The following PRTG variants were observed in gnomAD, a reference collection of about 807,000 sequenced individuals.
PRTG encodes the protein protogenin.
PRTG carries 67 observed loss-of-function variants against 122.5 expected under a neutral mutation model. That is an observed-to-expected ratio of 0.55 (90% confidence interval 0.45 to 0.67). PRTG has a LOEUF of 0.67. PRTG is among the 30% of genes least tolerant of loss of function. PRTG has a pLI of 0.00. For missense variants in PRTG, 1,435 were observed against 1,415.4 expected (o/e 1.01, Z -0.22); for synonymous variants, 554 against 501.1 (o/e 1.11, Z -1.41).
intron 2 of PRTG, among the ~76,000 whole-genome samples, chr15:55,714,290 C>A (rs2030515789): frequency 6.6e-6 from 1 of 150,606 alleles, no homozygotes; most frequent in Non-Finnish European, 1.5e-5. Flanking sequence ...AGTGGTGATA[C>A]CATAGCTCAA....
Position 55,743,055 on chromosome 15 carries a change from G to A in PRTG, c.-124C>T, listed in dbSNP as rs943379405. ...CAGCCTGGCTCCCCGCTCCGGCTCC[G>A]GCACCGGCGTGGCGAGCGTCTCTGC... On this transcript the variant is annotated 5_prime_UTR_variant, in exon 1 of 20. Transcript: ENST00000389286. 9.2e-6 allele frequency: 12 copies of A among 1,307,238 alleles called. No individual in the cohort carries two copies. The South Asian group carries it at 2.5e-4, about 27-fold the overall frequency. 81.0% of individuals were successfully genotyped at this position (1,307,238 alleles called of 1,614,324 possible).
intron 2 of PRTG, among the ~76,000 whole-genome samples, chr15:55,709,890 T>A (rs1181567496): frequency 2.6e-5 from 4 of 152,166 alleles, no homozygotes; most frequent in African/African-American, 9.7e-5. Flanking sequence ...TAAGAAACTT[T>A]CGGGAGAGAT....
At chr15:55,692,548 A>C (rs1247366890) in intron 2 of PRTG, among the ~76,000 whole-genome samples, 1 of 152,194 alleles carries the variant, frequency 6.6e-6, no homozygotes, top group Non-Finnish European at 1.5e-5. Context: ...CCAAACTCTC[A>C]TTTGATCAGA....
At chr15:55,688,521 A>T (rs944077533) in intron 2 of PRTG, among the ~76,000 whole-genome samples, 1 of 152,096 alleles carries the variant, frequency 6.6e-6, no homozygotes, top group African/African-American at 2.4e-5. Flanking sequence ...TGTGCACTGG[A>T]CATCTTCGCC....
intron 2 of PRTG, among the ~76,000 whole-genome samples, chr15:55,733,254 C>T (rs2031297757): frequency 6.6e-6 from 1 of 151,956 alleles, no homozygotes; most frequent in Non-Finnish European, 1.5e-5. Flanking sequence ...CACCTGTAAT[C>T]CCAGCATTTT....
intron 11 of PRTG, among the ~76,000 whole-genome samples, chr15:55,652,544 C>T (rs1309830258): frequency 1.3e-5 from 2 of 152,036 alleles, no homozygotes; most frequent in Non-Finnish European, 2.9e-5. Flanking sequence ...CAATACCCCC[C>T]ATATAATTAT....
intron 11 of PRTG, among the ~76,000 whole-genome samples, chr15:55,666,100 T>C (rs1359299191): frequency 2.0e-5 from 3 of 152,226 alleles, no homozygotes; most frequent in Admixed American, 1.3e-4. Flanking sequence ...CTGAGTGGTT[T>C]AAACAACTGA....
intron 2 of PRTG, among the ~76,000 whole-genome samples, chr15:55,703,268 A>G (rs1056202163): frequency 6.6e-6 from 1 of 152,226 alleles, no homozygotes; most frequent in African/African-American, 2.4e-5. Context: ...CTACTCTTCT[A>G]AAGCAGAGGA....
intron 15 of PRTG, among the ~76,000 whole-genome samples, chr15:55,629,373 ATATGTGTGTGTGTGTGTGTGTGTGTG>A (rs1344118200): frequency 4.4e-4 from 24 of 54,366 alleles, no homozygotes; most frequent in South Asian, 3.5e-3. Flanking sequence ...ATATATATAT[ATATGTGTGTGTGTGTGTGTGTGTGTG>A]TGTGTGTGTG....
At chr15:55,677,053 GA>G (rs2059506674) in intron 8 of PRTG, among the ~76,000 whole-genome samples, 1 of 152,098 alleles carries the variant, frequency 6.6e-6, no homozygotes, top group Non-Finnish European at 1.5e-5. Context: ...GTATAGAACT[GA>G]AATTTCTAAG....
chr15:55,684,452 A>T (rs1242795712), intron 2 of PRTG, among the ~76,000 whole-genome samples: 1 of 152,208 alleles, frequency 6.6e-6, no homozygotes, highest in Non-Finnish European at 1.5e-5. Flanking sequence ...AGAAATGCAA[A>T]GCTTGCATTC....
At chr15:55,717,883 G>C (rs1009011959) in intron 2 of PRTG, among the ~76,000 whole-genome samples, 1 of 151,912 alleles carries the variant, frequency 6.6e-6, no homozygotes, top group Admixed American at 6.6e-5. Flanking sequence ...CTCACACAAA[G>C]CCTGTTTGGT....
At position 55,741,771 on chromosome 15, in the gene PRTG, C is replaced by T. The variant is rs116078898; in HGVS notation, c.94+1067G>A. Among the ~76,000 whole-genome samples, 522 of 152,292 alleles carry T rather than the reference C, an allele frequency of 3.4e-3. 2 individuals carry two copies. Among genetic ancestry groups the T allele is most frequent in the African/African-American group, 0.012 (492 of 41,556 alleles). The stretch of plus-strand genomic sequence containing the variant: ...TCACTCTTCAAGGCTCCCTGCTTCC[C>T]GTAATGTATGCCCAGGGCGACGCGA... On this transcript the variant is annotated intron_variant, in intron 1 of 19. Coordinates refer to ENST00000389286, the MANE Select transcript of PRTG (RefSeq NM_173814.6).
chr15:55,663,270 G>A (rs577187155), intron 11 of PRTG, among the ~76,000 whole-genome samples: 5 of 152,276 alleles, frequency 3.3e-5, no homozygotes, highest in Non-Finnish European at 5.9e-5. Flanking sequence ...CAGTCTTAGC[G>A]GGCTGGAGAG....
At chr15:55,729,669 A>AT (rs1384796377) in intron 2 of PRTG, among the ~76,000 whole-genome samples, 1 of 152,048 alleles carries the variant, frequency 6.6e-6, no homozygotes, top group Non-Finnish European at 1.5e-5. Context: ...AATAAAACTT[A>AT]TTTTTTTAAT....
intron 2 of PRTG, among the ~76,000 whole-genome samples, chr15:55,726,556 C>G (rs2031037235): frequency 6.6e-6 from 1 of 150,644 alleles, no homozygotes; most frequent in Non-Finnish European, 1.5e-5. Flanking sequence ...TGCTTGAACC[C>G]GGGAGGTGGA....
At chr15:55,708,159 A>AC (rs1279480671) in intron 2 of PRTG, among the ~76,000 whole-genome samples, 2 of 94,300 alleles carry the variant, frequency 2.1e-5, no homozygotes, top group Non-Finnish European at 4.3e-5. Context: ...AAAAAAAAAA[A>AC]AAAAAAAAAA....
intron 2 of PRTG, among the ~76,000 whole-genome samples, chr15:55,735,615 T>C (rs2031384402): frequency 6.6e-6 from 1 of 150,768 alleles, no homozygotes; most frequent in Non-Finnish European, 1.5e-5. Flanking sequence ...CCTTTCAAAA[T>C]TCCATTAAGA....
At position 55,726,746 on chromosome 15, in the gene PRTG, A is replaced by C. The variant is rs370179821; in HGVS notation, c.397+13636T>G. Among the ~76,000 whole-genome samples, 21 of 152,204 alleles carry C rather than the reference A, an allele frequency of 1.4e-4. No homozygotes were observed. In the South Asian group the frequency reaches 4.1e-3, roughly 30 times the overall value. On this transcript the variant is annotated intron_variant, in intron 2 of 19. Transcript: ENST00000389286. ...AAACTGGAAAACTCACACATATATGAAAATTAAACAACATATTCTTAACAA... is the reference window on the plus strand; with the variant it reads ...AAACTGGAAAACTCACACATATATGCAAATTAAACAACATATTCTTAACAA...
Sources: allele counts gnomAD v4.1 joint callset (sites outside exome capture counted in the v4.1 genomes callset), GRCh38; gene constraint gnomAD v4.1.1; transcripts MANE v1.5; gene names NCBI Gene and HGNC (gene_info 2026-07-23, HGNC 2026-07-21).